Variants in SEL1L3 observed in about 807,000 individuals in gnomAD.
SEL1L3 encodes protein sel-1 homolog 3.
A neutral mutation model predicts 142.8 loss-of-function variants in SEL1L3; 76 were observed. That is an observed-to-expected ratio of 0.53 (90% CI 0.44 to 0.64). SEL1L3 has a LOEUF of 0.64. Among genes scored for constraint, SEL1L3 ranks in the 30% least tolerant of loss-of-function variants. The pLI is 0.00. For missense variants in SEL1L3, 1,262 were observed against 1,381.7 expected, an observed-to-expected ratio of 0.91 and a Z score of 1.37; for synonymous variants, 504 against 519.6, an observed-to-expected ratio of 0.97 and a Z score of 0.41.
At chr4:25,803,968 G>C (rs531814127) in intron 10 of SEL1L3, among the ~76,000 whole-genome samples, 1 of 152,104 alleles carries the variant, frequency 6.6e-6, no homozygotes, top group Admixed American at 6.5e-5. Flanking sequence ...CCAATTCTTT[G>C]TAAGAAACCT....
At chr4:25,786,426 C>A (rs11945609) in intron 13 of SEL1L3, among the ~76,000 whole-genome samples, 1 of 152,102 alleles carries the variant, frequency 6.6e-6, no homozygotes, top group Non-Finnish European at 1.5e-5. Context: ...AAAAGTCTTA[C>A]GGTGTGAGAA....
intron 2 of SEL1L3, among the ~76,000 whole-genome samples, chr4:25,843,128 C>G (rs941133144): frequency 6.6e-6 from 1 of 152,046 alleles, no homozygotes; most frequent in Admixed American, 6.6e-5. Context: ...GAAGGGTGTG[C>G]GTGGTGGGAC....
At chr4:25,863,527 G>A (rs952906611), upstream of SEL1L3, 1 of 702,804 alleles carries the variant, frequency 1.4e-6, no homozygotes, top group African/African-American at 1.7e-5. Flanking sequence ...GCAGGGCGCA[G>A]GGCGAGTGTG....
At position 25,847,795 on chromosome 4, in the gene SEL1L3, C is replaced by T. The variant is rs558367352; in HGVS notation, c.232G>A (p.Val78Met). ...AAATAAATAAAGTCTTTGTAAGCCA[C>T]GCTCTGCTCAGCTTTGGGTATCACT... is the stretch of plus-strand genomic sequence containing the variant. ...TSVIPKAEQS[V>M]AYKDFIYFTV... Residue 78 changes from valine (V) to methionine (M), a missense_variant, in exon 2 of 24, where the codon GTG (valine) becomes ATG (methionine). Transcript: ENST00000399878. 2.6e-5 allele frequency: 42 copies of T among 1,613,054 alleles called. No individual in the cohort carries two copies. In the South Asian group the frequency reaches 2.6e-4, roughly 10 times the overall value.
At chr4:25,861,112 G>A (rs1267689901) in intron 1 of SEL1L3, among the ~76,000 whole-genome samples, 2 of 152,146 alleles carry the variant, frequency 1.3e-5, no homozygotes, top group Admixed American at 6.5e-5. Flanking sequence ...AATGTTTCAC[G>A]CAACACTCTA....
In SEL1L3 at chr4:25,814,015, C is replaced by T. The variant is rs146638019; in HGVS notation, c.1564+4123G>A. Among the ~76,000 whole-genome samples, 10 of 152,256 alleles carry T rather than the reference C, an allele frequency of 6.6e-5. No homozygotes were observed. The East Asian group carries it at 9.7e-4, about 15-fold the overall frequency. On this transcript the variant is annotated intron_variant, in intron 9 of 23. Transcript: ENST00000399878. ...AATCACACAGTGTGGGGGAAAGAAA[C>T]GCTTTCAGGTCTGAAACGTGCATAT...
intron 16 of SEL1L3, among the ~76,000 whole-genome samples, chr4:25,778,290 G>A (rs1273972366): frequency 6.6e-6 from 1 of 152,124 alleles, no homozygotes; most frequent in Non-Finnish European, 1.5e-5. Flanking sequence ...GCATTGTCCT[G>A]AACAAAGACT....
At chr4:25,733,806 C>T in the SEL1L3 span, among the ~76,000 whole-genome samples, 4 of 151,976 alleles carry the variant, frequency 2.6e-5, no homozygotes, top group South Asian at 2.1e-4. Flanking sequence ...TGAGCCACCG[C>T]GTCGGGCCAG....
intron 1 of SEL1L3, among the ~76,000 whole-genome samples, chr4:25,852,060 G>T (rs968040742): frequency 6.6e-6 from 1 of 152,050 alleles, no homozygotes; most frequent in Non-Finnish European, 1.5e-5. Context: ...CCCAGGAGAG[G>T]TTTAATTGTT....
At chr4:25,835,950 A>T (rs10018469) in intron 2 of SEL1L3, among the ~76,000 whole-genome samples, 11,661 of 152,230 alleles carry the variant, frequency 0.077, 1,489 homozygotes, top group African/African-American at 0.26. Context: ...ATCCTCATTT[A>T]ACAGATCGAA....
At chr4:25,746,681 G>GTA (rs1717281342), downstream of SEL1L3, among the ~76,000 whole-genome samples, 1 of 151,210 alleles carries the variant, frequency 6.6e-6, no homozygotes, top group Non-Finnish European at 1.5e-5. Context: ...CTCTAGCCAC[G>GTA]TAAGACATGT....
intron 1 of SEL1L3, among the ~76,000 whole-genome samples, chr4:25,861,630 CTTTTT>C (rs143198162): frequency 1.5e-5 from 2 of 135,462 alleles, no homozygotes; most frequent in African/African-American, 2.7e-5. Context: ...TGACACTGCT[CTTTTT>C]TTTTTTTTTT....
intron 19 of SEL1L3, among the ~76,000 whole-genome samples, chr4:25,766,576 T>C (rs1431850374): frequency 6.6e-6 from 1 of 151,102 alleles, no homozygotes; most frequent in African/African-American, 2.4e-5. Context: ...AAAAGGCAAA[T>C]GGAAAACAAT....
intron 1 of SEL1L3, among the ~76,000 whole-genome samples, chr4:25,853,741 G>T (rs777154017): frequency 1.4e-5 from 2 of 143,308 alleles, no homozygotes; most frequent in Non-Finnish European, 3.0e-5. Flanking sequence ...GGGCAATCTC[G>T]GCTCATTGCA....
chr4:25,800,842 C>T (rs1713134609), intron 11 of SEL1L3, among the ~76,000 whole-genome samples: 1 of 152,206 alleles, frequency 6.6e-6, no homozygotes, highest in Non-Finnish European at 1.5e-5. Flanking sequence ...TATAGCTTGA[C>T]TCATGTTCAA....
At position 25,748,254 on chromosome 4, in the gene SEL1L3, C is replaced by T; in HGVS notation, c.*171G>A. ...ACCTTTGGTATTACCACTGCCTGAT[C>T]TGGGTACTTCCTTGTAATTTGACTT... On this transcript the variant is annotated 3_prime_UTR_variant, in exon 24 of 24. Transcript: ENST00000399878. 1 of 620,890 alleles carries T rather than the reference C, an allele frequency of 1.6e-6. No individual in the cohort carries two copies. The highest frequency in any genetic ancestry group is 2.8e-6 in the Non-Finnish European group (1 of 357,632). The allele number at this position is 620,890 out of a possible 1,614,324, so 38.5% of individuals were successfully genotyped here.
At chr4:25,798,182 G>A (rs1333976558) in intron 11 of SEL1L3, among the ~76,000 whole-genome samples, 1 of 152,154 alleles carries the variant, frequency 6.6e-6, no homozygotes, top group East Asian at 1.9e-4. Context: ...GGTGAGTACT[G>A]CTCAACCCTG....
At chr4:25,841,159 A>G (rs1201549005) in intron 2 of SEL1L3, among the ~76,000 whole-genome samples, 2 of 151,978 alleles carry the variant, frequency 1.3e-5, no homozygotes, top group Non-Finnish European at 2.9e-5. Context: ...CAGCCCCCCA[A>G]GTAGCTGGGA....
rs544920679 is a variant in SEL1L3 at position 25,764,814 on chromosome 4, C to T, written c.2955+512G>A. On this transcript the variant is annotated intron_variant, in intron 20 of 23. Coordinates refer to ENST00000399878, the MANE Select transcript of SEL1L3 (RefSeq NM_015187.5). Reference sequence around the variant, plus strand: ...CCCCCACAGGATTATGTGAGAATGGCGTGGGGGACACAGTAGGTGTTTAAT... The same window carrying T: ...CCCCCACAGGATTATGTGAGAATGGTGTGGGGGACACAGTAGGTGTTTAAT... 7.9e-5 allele frequency among the ~76,000 whole-genome samples: 12 copies of T among 152,190 alleles called. No individual in the cohort carries two copies. In the East Asian group the frequency reaches 1.2e-3, roughly 15 times the overall value.
Sources: gnomAD v4.1 joint callset for allele counts (sites outside exome capture counted in the v4.1 genomes callset) on GRCh38, gnomAD v4.1.1 for gene constraint, MANE v1.5 for transcripts, NCBI Gene and HGNC (gene_info 2026-07-23, HGNC 2026-07-21) for gene names.